Variants in FRYL observed in about 807,000 individuals in gnomAD.
The protein encoded by FRYL is FRY like transcription coactivator.
FRYL carries 150 observed loss-of-function variants against 351.2 expected under a neutral mutation model. That is an observed-to-expected ratio of 0.43 (90% CI 0.37 to 0.49). The LOEUF is 0.49. Among genes scored for constraint, FRYL ranks in the 20% least tolerant of loss-of-function variants. The pLI, the probability that FRYL is intolerant of heterozygous loss-of-function variation, is 0.00. For synonymous variants in FRYL, 1,153 were observed against 1,257.1 expected, an observed-to-expected ratio of 0.92 and a Z score of 1.75; for missense variants, 3,036 against 3,619.3, an observed-to-expected ratio of 0.84 and a Z score of 4.13.
intron 32 of FRYL, 79 bp downstream of exon 32, chr4:48,562,810 T>G (rs940027811): frequency 1.3e-6 from 1 of 796,538 alleles, no homozygotes; most frequent in Non-Finnish European, 2.2e-6. Flanking sequence ...ATTATCAGTA[T>G]GCTTTAATAG....
rs1470082234 is a variant in FRYL, at chr4:48,684,668, C to G, written c.-81+5G>C. 1.3e-5 allele frequency: 2 copies of G among 152,224 alleles called. No individual in the cohort carries two copies. Among genetic ancestry groups the G allele is most frequent in the African/African-American group, 4.8e-5 (2 of 41,458 alleles). The allele number at this position is 152,224 out of a possible 1,614,324, so 9.4% of individuals were successfully genotyped here. Reference sequence around the variant, plus strand: ...TAGCCTTGAGAATATTTACTATAATCTTACCGTATCACTTGAGACAGTAAT... The same window carrying G: ...TAGCCTTGAGAATATTTACTATAATGTTACCGTATCACTTGAGACAGTAAT... On this transcript the variant is annotated splice_donor_5th_base_variant and intron_variant, in intron 3 of 63. Transcript: ENST00000358350.
At chr4:48,677,797 A>G (rs1005517074) in intron 3 of FRYL, among the ~76,000 whole-genome samples, 2 of 152,162 alleles carry the variant, frequency 1.3e-5, no homozygotes, top group Admixed American at 6.5e-5. Flanking sequence ...ATTACATGCC[A>G]TTTTTTTCTC....
At chr4:48,617,656 C>T (rs1367019858) in intron 7 of FRYL, 2 of 151,556 alleles carry the variant, frequency 1.3e-5, no homozygotes, top group Non-Finnish European at 2.9e-5. Context: ...AGGAGGGCTA[C>T]AAAGGCAACA....
chr4:48,581,346 TGGGATAA>T, intron 21 of FRYL, 67 bp downstream of exon 21: 1 of 1,335,120 alleles, frequency 7.5e-7, no homozygotes, highest in South Asian at 1.4e-5. Context: ...CCTACCTACA[TGGGATAA>T]GGATGGACAA....
At chr4:48,678,702 G>A (rs1400198662) in intron 3 of FRYL, among the ~76,000 whole-genome samples, 1 of 151,502 alleles carries the variant, frequency 6.6e-6, no homozygotes. Context: ...TTTTATTTTT[G>A]AAGAGAAAAA....
intron 35 of FRYL, among the ~76,000 whole-genome samples, chr4:48,554,823 C>CT (rs1484717701): frequency 1.3e-5 from 2 of 152,208 alleles, no homozygotes; most frequent in African/African-American, 4.8e-5. Flanking sequence ...ACTCCCAACC[C>CT]TAATCCTATC....
intron 1 of FRYL, among the ~76,000 whole-genome samples, chr4:48,722,003 G>A (rs1769524903): frequency 6.6e-6 from 1 of 152,288 alleles, no homozygotes; most frequent in African/African-American, 2.4e-5. Context: ...GATACATTTA[G>A]ATGGGTTTTT....
chr4:48,509,113 C>A (rs962658493), intron 59 of FRYL, among the ~76,000 whole-genome samples: 1 of 152,104 alleles, frequency 6.6e-6, no homozygotes, highest in African/African-American at 2.4e-5. Context: ...AGGCTGATAA[C>A]CTGGACTTAT....
chr4:48,630,207 C>A (rs1032632416), intron 4 of FRYL, among the ~76,000 whole-genome samples: 1 of 151,988 alleles, frequency 6.6e-6, no homozygotes. Flanking sequence ...AGATCACAGT[C>A]AAAAAGGCTC....
At chr4:48,713,285 G>A (rs1211616914) in intron 1 of FRYL, among the ~76,000 whole-genome samples, 3 of 152,126 alleles carry the variant, frequency 2.0e-5, no homozygotes, top group Non-Finnish European at 4.4e-5. Flanking sequence ...CCATTTAAAT[G>A]TAAATGGACT....
Position 48,716,023 on chromosome 4 carries a change from G to A in FRYL, c.-383-5325C>T, listed in dbSNP as rs546463088. ...AAACCTGAGAAAAACAAGCAATGGG[G>A]AAAGGATTCCCTATTTAATAAATGG... On this transcript the variant is annotated intron_variant, in intron 1 of 63. Transcript: ENST00000358350. Among the ~76,000 whole-genome samples the A allele has an allele frequency of 1.4e-3, 214 of 152,296 alleles. 1 individual carries two copies. The highest frequency in any genetic ancestry group is 4.6e-3 in the African/African-American group (190 of 41,566).
chr4:48,573,622 T>A (rs186059427), intron 25 of FRYL, among the ~76,000 whole-genome samples: 314 of 152,334 alleles, frequency 2.1e-3, no homozygotes, highest in South Asian at 7.7e-3. Flanking sequence ...TGATCTCGGC[T>A]CACTGCAACT....
At chr4:48,581,023 C>G (rs1208343202) in intron 21 of FRYL, 72 bp from the exon 22 acceptor site, 2 of 835,948 alleles carry the variant, frequency 2.4e-6, no homozygotes, top group Non-Finnish European at 3.7e-6. Flanking sequence ...CAAGTAAACA[C>G]TAAAAATTCA....
chr4:48,668,230 C>T (rs1397128648), intron 3 of FRYL, among the ~76,000 whole-genome samples: 2 of 152,118 alleles, frequency 1.3e-5, no homozygotes, highest in East Asian at 3.8e-4. Context: ...TGGCCCTTTA[C>T]AGAAAAGGTT....
chr4:48,660,646 TAA>T (rs1760507853), intron 3 of FRYL, among the ~76,000 whole-genome samples: 1 of 152,162 alleles, frequency 6.6e-6, no homozygotes, highest in South Asian at 2.1e-4. Context: ...AAGAAATGGG[TAA>T]TTTCATTATG....
intron 16 of FRYL, among the ~76,000 whole-genome samples, chr4:48,592,461 C>A (rs1402220469): frequency 1.3e-5 from 2 of 151,982 alleles, no homozygotes; most frequent in Admixed American, 1.3e-4. Flanking sequence ...ACCACCTCCC[C>A]CACAGAAAAA....
intron 1 of FRYL, among the ~76,000 whole-genome samples, chr4:48,739,400 CAAA>C (rs1370572101): frequency 1.5e-4 from 5 of 33,614 alleles, no homozygotes; most frequent in Admixed American, 3.7e-4. Flanking sequence ...GACTCCGTCT[CAAA>C]AAAAAAAAAA....
At chr4:48,535,970 G>A (rs1728790035) in intron 47 of FRYL, 143 bp from the exon 48 acceptor site, 3 of 609,118 alleles carry the variant, frequency 4.9e-6, no homozygotes, top group South Asian at 3.9e-5. Flanking sequence ...TTAGAAAAGT[G>A]AAACGAGAAA....
At chr4:48,551,972 A>G (rs949915701) in intron 36 of FRYL, among the ~76,000 whole-genome samples, 14 of 152,130 alleles carry the variant, frequency 9.2e-5, no homozygotes, top group African/African-American at 3.4e-4. Context: ...GGTTCCCCAA[A>G]TCTACTTTCT....
Sources: allele counts gnomAD v4.1 joint callset (sites outside exome capture counted in the v4.1 genomes callset), GRCh38; gene constraint gnomAD v4.1.1; transcripts MANE v1.5; gene names NCBI Gene and HGNC (gene_info 2026-07-23, HGNC 2026-07-21).